FBLN2: variants seen among roughly 807,000 people sequenced by gnomAD.
FBLN2 encodes the protein fibulin-2.
A neutral mutation model predicts 123.7 loss-of-function variants in FBLN2; 81 were observed. The observed-to-expected ratio is 0.65, with a 90% CI of 0.55 to 0.79. The LOEUF is 0.79. Among genes scored for constraint, FBLN2 ranks in the 30% least tolerant of loss-of-function variants. The pLI is 0.00. For synonymous variants in FBLN2, 699 were observed against 701.4 expected, an observed-to-expected ratio of 1.00 and a Z score of 0.05; for missense variants, 1,603 against 1,681.3, an observed-to-expected ratio of 0.95 and a Z score of 0.81.
chr3:13,561,131 T>C (rs894060592), intron 1 of FBLN2, among the ~76,000 whole-genome samples: 1 of 152,172 alleles, frequency 6.6e-6, no homozygotes, highest in Admixed American at 6.5e-5. Context: ...TGACAACTCC[T>C]GCTTGACTTT....
chr3:13,613,944 G>A, intron 4 of FBLN2, 40 bp from the exon 5 acceptor site: 1 of 1,591,972 alleles, frequency 6.3e-7, no homozygotes, highest in East Asian at 2.2e-5. Context: ...CTCCAGGCTG[G>A]GGCCAGAGAT....
chr3:13,609,688 G>GGGGGGGGGGGGGGGGCC, intron 4 of FBLN2, 46 bp downstream of exon 4: 7 of 512,600 alleles, frequency 1.4e-5, no homozygotes, highest in Non-Finnish European at 2.2e-5. Flanking sequence ...GTGGGGCGGG[G>GGGGGGGGGGGGGGGGCC]CGGGAGGCTG....
At chr3:13,584,968 G>C (rs74413333) in intron 2 of FBLN2, among the ~76,000 whole-genome samples, 8,508 of 152,318 alleles carry the variant, frequency 0.056, 315 homozygotes, top group Middle Eastern at 0.099. Flanking sequence ...TCAGAGAATG[G>C]CTGTGCTTCT....
At chr3:13,611,119 G>A (rs1705378451) in intron 4 of FBLN2, among the ~76,000 whole-genome samples, 1 of 151,968 alleles carries the variant, frequency 6.6e-6, no homozygotes, top group Non-Finnish European at 1.5e-5. Context: ...GCTTGGTTTT[G>A]TATTTTTACT....
Position 13,580,100 on chromosome 3 carries a change from C to T in FBLN2, c.1306+8439C>T, listed in dbSNP as rs548545001. 4.6e-5 allele frequency among the ~76,000 whole-genome samples: 7 copies of T among 152,262 alleles called. No individual in the cohort carries two copies. The East Asian group carries it at 7.7e-4, about 17-fold the overall frequency. ...TTGCATAGTGTTCCGTTGCAGGGAT[C>T]GACCCTGCCTAGCTTGTTGTTCCCC... is the stretch of plus-strand genomic sequence containing the variant. On this transcript the variant is annotated intron_variant, in intron 2 of 17. Transcript: ENST00000404922.
chr3:13,609,679 TGGGGCGGGGCGGG>T, intron 4 of FBLN2, 37 bp downstream of exon 4: 1 of 80,284 alleles, frequency 1.2e-5, no homozygotes, highest in Non-Finnish European at 2.2e-5. Context: ...CAGGGTGGGG[TGGGGCGGGGCGGG>T]AGGCTGGCCT....
At position 13,599,715 on chromosome 3, in the gene FBLN2, T is replaced by C. The variant is rs1182978996; in HGVS notation, c.1307-8347T>C. ...CTGGAGGGAGGCGGGGGATGAGGGA[T>C]TGGCCTGGGAGCGTCCTGAGGATGG... On this transcript the variant is annotated intron_variant, in intron 2 of 17. Coordinates refer to ENST00000404922, the MANE Select transcript of FBLN2 (RefSeq NM_001004019.2). Among the ~76,000 whole-genome samples the C allele has an allele frequency of 4.0e-5, 6 of 151,406 alleles. No individual in the cohort carries two copies. In the East Asian group the frequency reaches 1.2e-3, roughly 30 times the overall value.
intron 2 of FBLN2, among the ~76,000 whole-genome samples, chr3:13,588,252 C>T (rs1398239825): frequency 6.6e-6 from 1 of 152,188 alleles, no homozygotes; most frequent in East Asian, 1.9e-4. Context: ...GGTGTGTCGC[C>T]TAGGAGCAAG....
chr3:13,555,932 A>T (rs1201690422), intron 1 of FBLN2, among the ~76,000 whole-genome samples: 1 of 152,218 alleles, frequency 6.6e-6, no homozygotes, highest in Non-Finnish European at 1.5e-5. Context: ...TGGAACAGTC[A>T]TCTCTATCCC....
chr3:13,563,271 C>T (rs993285150), intron 1 of FBLN2, among the ~76,000 whole-genome samples: 1 of 152,188 alleles, frequency 6.6e-6, no homozygotes, highest in Non-Finnish European at 1.5e-5. Flanking sequence ...GGTGCCCACC[C>T]AGGTCTCTCA....
At chr3:13,632,572 A>G (rs1450599402) in intron 16 of FBLN2, among the ~76,000 whole-genome samples, 2 of 152,236 alleles carry the variant, frequency 1.3e-5, no homozygotes, top group African/African-American at 4.8e-5. Flanking sequence ...TTCCATTAGC[A>G]TAGAACAGAA....
At position 13,637,856 on chromosome 3, in the gene FBLN2, G is replaced by T; in HGVS notation, c.3633G>T (p.Arg1211Ser). 2 of 1,611,694 alleles carry T rather than the reference G, an allele frequency of 1.2e-6. No individual in the cohort carries two copies. Among genetic ancestry groups the T allele is most frequent in the Non-Finnish European group, 1.7e-6 (2 of 1,178,270 alleles). ...TGGACGTGGAGATGAAGCTCTGGAG[G>T]CAGGGCTCCGTCACCACCTTCCTGG... ...FALDVEMKLW[R>S]QGSVTTFLAK... The change falls in exon 18 of 18, where the codon AGG becomes AGT. Residue 1211 changes from arginine to serine, a missense_variant. By Grantham distance (110) the Arg-to-Ser change is moderately radical (BLOSUM62 -1). Transcript: ENST00000404922.
At chr3:13,615,967 G>C (rs891243053) in intron 5 of FBLN2, among the ~76,000 whole-genome samples, 4 of 152,214 alleles carry the variant, frequency 2.6e-5, no homozygotes, top group African/African-American at 9.6e-5. Flanking sequence ...ACAGGTGCCA[G>C]GGCTCAGGAG....
rs897698342 is a variant in FBLN2, at chr3:13,549,139, G to A, written c.-111G>A. ...CCGCCCCGCGCGCACACAGCCAGGG[G>A]CCGCCCGGGCTCTCGACGCGCCGAC... On this transcript the variant is annotated 5_prime_UTR_variant, in exon 1 of 18. Transcript: ENST00000404922. 5.1e-6 allele frequency: 5 copies of A among 982,874 alleles called. No individual in the cohort carries two copies. The highest frequency in any genetic ancestry group is 1.2e-4 in the Admixed American group (2 of 16,060). The allele number at this position is 982,874 out of a possible 1,614,324, so 60.9% of individuals were successfully genotyped here. A position where few individuals can be genotyped will look rare whatever the true frequency, so the allele number is the denominator to read the frequency against.
chr3:13,630,837 G>A lies in FBLN2; in HGVS notation c.3085+22G>A. 2.6e-6 allele frequency: 4 copies of A among 1,547,252 alleles called. No homozygotes were observed. The Admixed American group carries it at 5.5e-5, about 21-fold the overall frequency. ...ACAGGTACCTCTCCCCTGTCCAAGG[G>A]CCCCCTTCCAGAGAGTCACTCCTTT... On this transcript the variant is annotated intron_variant, in intron 15 of 17. Coordinates refer to ENST00000404922, the MANE Select transcript of FBLN2 (RefSeq NM_001004019.2).
At chr3:13,595,155 C>G (rs112493341) in intron 2 of FBLN2, among the ~76,000 whole-genome samples, 4 of 152,318 alleles carry the variant, frequency 2.6e-5, no homozygotes, top group African/African-American at 7.2e-5. Context: ...GCAGGCAGCT[C>G]TGCCAAGCCT....
intron 2 of FBLN2, among the ~76,000 whole-genome samples, chr3:13,584,078 A>T (rs1704421628): frequency 6.6e-6 from 1 of 152,220 alleles, no homozygotes; most frequent in Non-Finnish European, 1.5e-5. Context: ...CTAGAACACA[A>T]GGGCAGTCGC....
At chr3:13,566,481 T>TA (rs1703751131) in intron 1 of FBLN2, 1 of 152,210 alleles carries the variant, frequency 6.6e-6, no homozygotes, top group African/African-American at 2.4e-5. Context: ...GCCCCACACA[T>TA]ACACGCCCCA....
At chr3:13,596,425 A>AT (rs372283088) in intron 2 of FBLN2, among the ~76,000 whole-genome samples, 71 of 152,228 alleles carry the variant, frequency 4.7e-4, no homozygotes, top group African/African-American at 1.7e-3. Context: ...GCTGTCACAA[A>AT]TGCAGGTGCA....
Sources: allele counts gnomAD v4.1 joint callset (sites outside exome capture counted in the v4.1 genomes callset), GRCh38; gene constraint gnomAD v4.1.1; transcripts MANE v1.5; gene names NCBI Gene and HGNC (gene_info 2026-07-23, HGNC 2026-07-21).